Variants in SLC44A5 observed in about 807,000 individuals in gnomAD.
SLC44A5 encodes choline transporter-like protein 5.
In SLC44A5, 57 loss-of-function variants were observed where a neutral mutation model predicts 101.8. That is an observed-to-expected ratio of 0.56 (90% CI 0.45 to 0.70). The LOEUF is 0.70. Ranked by LOEUF, SLC44A5 falls within the 30% of genes least tolerant of loss-of-function variation. The pLI is 0.00. For missense variants in SLC44A5, 737 were observed against 853.1 expected (o/e 0.86, Z 1.70); for synonymous variants, 281 against 290.9 (o/e 0.97, Z 0.35).
the SLC44A5 span, among the ~76,000 whole-genome samples, chr1:75,701,244 G>C: frequency 6.6e-6 from 1 of 152,162 alleles, no homozygotes; most frequent in South Asian, 2.1e-4. Flanking sequence ...GAACATCGAT[G>C]CAAAAATCCT....
chr1:75,558,093 G>A (rs1672318915), intron 1 of SLC44A5, among the ~76,000 whole-genome samples: 1 of 151,286 alleles, frequency 6.6e-6, no homozygotes, highest in Non-Finnish European at 1.5e-5. Context: ...AACTGCTACA[G>A]TAAATTTATG....
chr1:75,510,982 A>G (rs1272399730), intron 2 of SLC44A5, among the ~76,000 whole-genome samples: 1 of 152,138 alleles, frequency 6.6e-6, no homozygotes, highest in African/African-American at 2.4e-5. Flanking sequence ...CTCTACTAAA[A>G]GTACAGAAAA....
chr1:75,721,563 T>C, the SLC44A5 span, among the ~76,000 whole-genome samples: 2 of 152,208 alleles, frequency 1.3e-5, no homozygotes, highest in African/African-American at 4.8e-5. Context: ...AAATCTGATA[T>C]TAAATGCCTC....
the SLC44A5 span, among the ~76,000 whole-genome samples, chr1:75,629,629 C>G: frequency 7.9e-5 from 12 of 152,042 alleles, no homozygotes; most frequent in Non-Finnish European, 1.8e-4. Context: ...AAGGCCTAAA[C>G]AAAACTGCTG....
intron 9 of SLC44A5, among the ~76,000 whole-genome samples, 174 bp downstream of exon 9, chr1:75,241,827 G>A (rs1458138429): frequency 1.3e-5 from 2 of 152,004 alleles, no homozygotes; most frequent in African/African-American, 2.4e-5. Flanking sequence ...AATGTACCTG[G>A]CTGGAGCCAA....
At chr1:75,447,997 A>C (rs536269830) in intron 2 of SLC44A5, among the ~76,000 whole-genome samples, 1 of 152,230 alleles carries the variant, frequency 6.6e-6, no homozygotes, top group East Asian at 1.9e-4. Flanking sequence ...TTAACTACTC[A>C]AATTAAATAT....
intron 2 of SLC44A5, among the ~76,000 whole-genome samples, chr1:75,399,545 T>G (rs993063610): frequency 5.9e-5 from 9 of 152,112 alleles, no homozygotes; most frequent in Non-Finnish European, 1.0e-4. Flanking sequence ...GACCCTGATT[T>G]GGACAGAATG....
chr1:75,678,702 C>T, the SLC44A5 span, among the ~76,000 whole-genome samples: 50 of 151,598 alleles, frequency 3.3e-4, no homozygotes, highest in East Asian at 8.7e-3. Flanking sequence ...AAAATCAGAG[C>T]GCCTCTCCTC....
the SLC44A5 span, among the ~76,000 whole-genome samples, chr1:75,664,891 A>G: frequency 6.6e-6 from 1 of 150,626 alleles, no homozygotes; most frequent in Non-Finnish European, 1.5e-5. Flanking sequence ...ACTGCACTCC[A>G]GGCTGGGAGA....
chr1:75,409,398 G>A (rs10874262), intron 2 of SLC44A5, among the ~76,000 whole-genome samples: 30,479 of 152,032 alleles, frequency 0.2, 4,231 homozygotes, highest in East Asian at 0.81. Context: ...AAACCTGCAC[G>A]TGTACTCCTT....
chr1:75,363,809 C>T (rs1379808032), intron 3 of SLC44A5, among the ~76,000 whole-genome samples: 2 of 152,096 alleles, frequency 1.3e-5, no homozygotes, highest in African/African-American at 2.4e-5. Flanking sequence ...AGCAGTCTTT[C>T]ATATTAGCTT....
chr1:75,406,264 G>T (rs547411144), intron 2 of SLC44A5, among the ~76,000 whole-genome samples: 6 of 152,262 alleles, frequency 3.9e-5, no homozygotes, highest in African/African-American at 1.4e-4. Context: ...TAGATTCACA[G>T]CCAAATTCTA....
At chr1:75,722,580 A>G in the SLC44A5 span, among the ~76,000 whole-genome samples, 1 of 152,178 alleles carries the variant, frequency 6.6e-6, no homozygotes, top group African/African-American at 2.4e-5. Context: ...TGAACCTGTG[A>G]TCAATTAAGC....
At chr1:75,322,154 A>C (rs1315575461) in intron 4 of SLC44A5, among the ~76,000 whole-genome samples, 1 of 152,130 alleles carries the variant, frequency 6.6e-6, no homozygotes, top group East Asian at 1.9e-4. Context: ...CTACAAAAAA[A>C]TATAAAAATT....
intron 1 of SLC44A5, among the ~76,000 whole-genome samples, chr1:75,607,722 G>C (rs567156784): frequency 1.3e-5 from 2 of 152,022 alleles, no homozygotes; most frequent in South Asian, 4.2e-4. Flanking sequence ...TTTTATAAAG[G>C]GGAGTTCCCC....
chr1:75,607,717 T>C (rs1353781106), intron 1 of SLC44A5, among the ~76,000 whole-genome samples: 1 of 151,992 alleles, frequency 6.6e-6, no homozygotes, highest in Non-Finnish European at 1.5e-5. Flanking sequence ...GATGGTTTTA[T>C]AAAGGGGAGT....
intron 4 of SLC44A5, among the ~76,000 whole-genome samples, chr1:75,301,192 T>C (rs1300465361): frequency 6.6e-6 from 1 of 152,156 alleles, no homozygotes; most frequent in Non-Finnish European, 1.5e-5. Context: ...GAACAAGGTA[T>C]ATAAAGCATT....
chr1:75,358,250 A>G (rs1167156931), intron 3 of SLC44A5, among the ~76,000 whole-genome samples: 2 of 152,200 alleles, frequency 1.3e-5, no homozygotes, highest in African/African-American at 2.4e-5. Flanking sequence ...ATCAACATAC[A>G]GTGAATACAT....
At position 75,473,323 on chromosome 1, in the gene SLC44A5, G is replaced by GA. The variant is rs373158674; in HGVS notation, c.13+68111dup. On this transcript the variant is annotated intron_variant, in intron 2 of 23. Coordinates refer to ENST00000370859, the MANE Select transcript of SLC44A5 (RefSeq NM_001130058.2). ...TTTAAAATCAATGCTGGTTATAAAA[G>GA]AAAAAAAACATAGCTTACAAGATGA... Among the ~76,000 whole-genome samples, 550 of 151,746 alleles carry GA rather than the reference G, an allele frequency of 3.6e-3. 2 individuals are homozygous for GA. Among genetic ancestry groups the GA allele is most frequent in the Non-Finnish European group, 4.1e-3 (277 of 67,844 alleles).
Sources: allele counts gnomAD v4.1 joint callset (sites outside exome capture counted in the v4.1 genomes callset), GRCh38; gene constraint gnomAD v4.1.1; transcripts MANE v1.5; gene names NCBI Gene and HGNC (gene_info 2026-07-23, HGNC 2026-07-21).